GLCE: variants seen among roughly 807,000 people sequenced by gnomAD.
GLCE encodes the protein glucuronic acid epimerase, also known as D-glucuronyl C5-epimerase.
GLCE carries 19 observed loss-of-function variants against 47.9 expected under a neutral mutation model. The observed-to-expected ratio is 0.40, with a 90% CI of 0.28 to 0.58. The LOEUF is 0.58. Among genes scored for constraint, GLCE ranks in the 20% least tolerant of loss-of-function variants. GLCE has a pLI of 0.48. For missense variants in GLCE, 556 were observed against 743.3 expected (o/e 0.75, Z 2.93); for synonymous variants, 245 against 263.4 (o/e 0.93, Z 0.68).
intron 2 of GLCE, among the ~76,000 whole-genome samples, chr15:69,219,154 T>C (rs1019367888): frequency 6.6e-6 from 1 of 152,064 alleles, no homozygotes; most frequent in African/African-American, 2.4e-5. Context: ...ATATTTTTGT[T>C]ATATTAGCAG....
chr15:69,171,967 A>G (rs2051595730), intron 1 of GLCE, among the ~76,000 whole-genome samples: 1 of 152,230 alleles, frequency 6.6e-6, no homozygotes, highest in African/African-American at 2.4e-5. Flanking sequence ...TTTTTTAAAA[A>G]TGTTCAATTT....
At chr15:69,182,339 GC>G (rs545000374) in intron 1 of GLCE, among the ~76,000 whole-genome samples, 145 of 151,024 alleles carry the variant, frequency 9.6e-4, no homozygotes, top group Non-Finnish European at 1.7e-3. Flanking sequence ...CCAGCCACAT[GC>G]AGCTGTGTAG....
intron 4 of GLCE, among the ~76,000 whole-genome samples, chr15:69,267,743 C>T (rs1023743750): frequency 2.4e-4 from 36 of 151,884 alleles, no homozygotes; most frequent in African/African-American, 8.4e-4. Flanking sequence ...GCCCTTAGAA[C>T]ATAGTAAGTA....
chr15:69,175,107 G>A (rs79843035), intron 1 of GLCE, among the ~76,000 whole-genome samples: 1,758 of 152,142 alleles, frequency 0.012, 27 homozygotes, highest in African/African-American at 0.038. Context: ...TTAATAGCAT[G>A]AGAAAAAGCC....
chr15:69,219,834 A>C (rs2052354997), intron 2 of GLCE, among the ~76,000 whole-genome samples: 1 of 152,010 alleles, frequency 6.6e-6, no homozygotes, highest in Non-Finnish European at 1.5e-5. Flanking sequence ...TTACTCTTTC[A>C]ATCTTGTAAA....
chr15:69,176,118 T>C (rs2051658276), intron 1 of GLCE, among the ~76,000 whole-genome samples: 1 of 152,088 alleles, frequency 6.6e-6, no homozygotes. Context: ...TCAGAGCCAC[T>C]TTTTATTTGG....
rs2053009628 is a variant in GLCE, at chr15:69,261,227, G to A, written c.727G>A (p.Asp243Asn). ...IEVYETAEDR[D>N]KNKPNDWTVP... ...GGTATATGAAACAGCAGAAGACAGA[G>A]ACAAAAACAAGCCTAATGACTGGAC... Residue 243 changes from aspartate to asparagine, a missense_variant, in exon 4 of 5, where the codon GAC becomes AAC. Coordinates refer to ENST00000261858, the MANE Select transcript of GLCE (RefSeq NM_015554.3). 1 of 1,613,974 alleles carries A rather than the reference G, an allele frequency of 6.2e-7. No individual in the cohort carries two copies. Among genetic ancestry groups the A allele is most frequent in the African/African-American group, 1.3e-5 (1 of 74,896 alleles).
intron 2 of GLCE, among the ~76,000 whole-genome samples, chr15:69,211,248 A>G (rs2052229600): frequency 6.6e-6 from 1 of 152,082 alleles, no homozygotes; most frequent in Admixed American, 6.6e-5. Flanking sequence ...TTTCAAAAAT[A>G]AAAGTTTATA....
chr15:69,184,212 C>G (rs1440212355), intron 1 of GLCE, among the ~76,000 whole-genome samples: 1 of 152,120 alleles, frequency 6.6e-6, no homozygotes, highest in African/African-American at 2.4e-5. Context: ...AATGCTGATC[C>G]TGAACCATTA....
intron 2 of GLCE, among the ~76,000 whole-genome samples, chr15:69,220,340 T>A: frequency 6.6e-6 from 1 of 152,304 alleles, no homozygotes; most frequent in African/African-American, 2.4e-5. Context: ...TCTTATTTTT[T>A]AAATTTATTT....
chr15:69,222,519 G>C (rs1227310842), intron 2 of GLCE, among the ~76,000 whole-genome samples: 5 of 152,202 alleles, frequency 3.3e-5, no homozygotes, highest in Non-Finnish European at 1.5e-5. Context: ...ATACAGGTCA[G>C]AGCCACCCCT....
At chr15:69,180,001 TA>T (rs199641012) in intron 1 of GLCE, among the ~76,000 whole-genome samples, 2,503 of 152,008 alleles carry the variant, frequency 0.016, 23 homozygotes, top group Middle Eastern at 0.037. Context: ...ACCAATACCA[TA>T]ACAAGTGCCA....
intron 2 of GLCE, among the ~76,000 whole-genome samples, chr15:69,231,256 C>T (rs2052516569): frequency 6.6e-6 from 1 of 151,482 alleles, no homozygotes; most frequent in African/African-American, 2.4e-5. Flanking sequence ...AGAGATTTTG[C>T]CTTTGCTACC....
At chr15:69,202,151 C>G (rs552541147) in intron 1 of GLCE, among the ~76,000 whole-genome samples, 1 of 152,102 alleles carries the variant, frequency 6.6e-6, no homozygotes, top group African/African-American at 2.4e-5. Context: ...AGCTCCTGGG[C>G]TCAAACTATC....
At chr15:69,230,164 C>T (rs746926932) in intron 2 of GLCE, among the ~76,000 whole-genome samples, 16 of 149,692 alleles carry the variant, frequency 1.1e-4, no homozygotes, top group Non-Finnish European at 1.8e-4. Context: ...GCCAAGATCG[C>T]GCCATTGTAC....
chr15:69,171,796 TA>T (rs2051593378), intron 1 of GLCE, among the ~76,000 whole-genome samples: 1 of 152,280 alleles, frequency 6.6e-6, no homozygotes, highest in East Asian at 1.9e-4. Context: ...CAGGATAAGT[TA>T]GGGGTATTAT....
intron 1 of GLCE, among the ~76,000 whole-genome samples, chr15:69,206,066 A>G (rs2052147512): frequency 6.6e-6 from 1 of 152,018 alleles, no homozygotes; most frequent in Admixed American, 6.6e-5. Context: ...CCATTCCAGT[A>G]TTACATGTTA....
chr15:69,255,593 A>T (rs1011579339), intron 2 of GLCE, among the ~76,000 whole-genome samples: 2 of 152,136 alleles, frequency 1.3e-5, no homozygotes, highest in Non-Finnish European at 2.9e-5. Context: ...AGCTTGAGCT[A>T]ACTAAGGATT....
Position 69,268,784 on chromosome 15 carries a change from T to C in GLCE, c.1394T>C (p.Ile465Thr). 2 of 1,614,174 alleles carry C rather than the reference T, an allele frequency of 1.2e-6. No homozygotes were observed. The highest frequency in any genetic ancestry group is 1.3e-5 in the African/African-American group (1 of 75,052). ...VRAYLLTKDHIFLNSALRATA... is the reference protein window; with the variant it reads ...VRAYLLTKDHTFLNSALRATA... The stretch of plus-strand genomic sequence containing the variant: ...GCCTATCTGTTAACAAAAGACCATA[T>C]ATTCCTCAATTCAGCTTTAAGGGCA... The change falls in exon 5 of 5, where the codon ATA becomes ACA. Residue 465 changes from isoleucine to threonine, a missense_variant. This residue lies in a region of GLCE where 245 missense variants were observed against 368.1 expected (regional missense o/e 0.67). Transcript: ENST00000261858.
Sources: allele counts gnomAD v4.1 joint callset (sites outside exome capture counted in the v4.1 genomes callset), GRCh38; gene constraint gnomAD v4.1.1; regional missense constraint gnomAD v4.1.1; transcripts MANE v1.5; gene names NCBI Gene and HGNC (gene_info 2026-07-23, HGNC 2026-07-21).